LHFPL4: variants seen among roughly 807,000 people sequenced by gnomAD.
The protein encoded by LHFPL4 is LHFPL tetraspan subfamily member 4 protein.
LHFPL4 carries 6 observed loss-of-function variants against 20.0 expected under a neutral mutation model. The observed-to-expected ratio is 0.30, with a 90% CI of 0.16 to 0.59. The LOEUF (loss-of-function observed/expected upper bound fraction) is 0.59. Among genes scored for constraint, LHFPL4 ranks in the 20% least tolerant of loss-of-function variants. The pLI is 0.88. For missense variants in LHFPL4, 215 were observed against 331.2 expected (o/e 0.65, Z 2.72); for synonymous variants, 129 against 143.8 (o/e 0.90, Z 0.74).
chr3:9,523,246 G>T (rs530210030), intron 2 of LHFPL4, among the ~76,000 whole-genome samples: 1 of 146,440 alleles, frequency 6.8e-6, no homozygotes, highest in African/African-American at 2.5e-5. Flanking sequence ...GCCGGGCGTG[G>T]TGGGCATGGC....
In LHFPL4 at chr3:9,541,543, G is replaced by A. The variant is rs548530734; in HGVS notation, c.406+10731C>T. On this transcript the variant is annotated intron_variant, in intron 2 of 3. Transcript: ENST00000287585. ...TCCCAGCACTTTGGGAGGCCAAGGCGGGTGGATCACATGAGGTCAGGAGTT... is the reference window on the plus strand; with the variant it reads ...TCCCAGCACTTTGGGAGGCCAAGGCAGGTGGATCACATGAGGTCAGGAGTT... Among the ~76,000 whole-genome samples the A allele has an allele frequency of 3.3e-5, 5 of 152,022 alleles. 1 individual carries two copies. Among genetic ancestry groups the A allele is most frequent in the South Asian group, 4.1e-4 (2 of 4,826 alleles).
chr3:9,521,337 A>C (rs1395692254), intron 2 of LHFPL4, among the ~76,000 whole-genome samples: 1 of 144,636 alleles, frequency 6.9e-6, no homozygotes, highest in Non-Finnish European at 1.5e-5. Flanking sequence ...TGATCCTCCC[A>C]CTTCAGCCTC....
intron 2 of LHFPL4, among the ~76,000 whole-genome samples, chr3:9,551,587 T>C (rs911248133): frequency 8.5e-5 from 13 of 152,170 alleles, no homozygotes; most frequent in African/African-American, 1.4e-4. Flanking sequence ...CTCACTCCCA[T>C]TGGGCATGGC....
At chr3:9,531,795 A>T (rs2046410352) in intron 2 of LHFPL4, among the ~76,000 whole-genome samples, 1 of 139,868 alleles carries the variant, frequency 7.1e-6, no homozygotes, top group Admixed American at 7.2e-5. Flanking sequence ...GCGAGACTCC[A>T]TCTCAGAAAG....
chr3:9,513,248 C>T (rs1437227660), intron 2 of LHFPL4, among the ~76,000 whole-genome samples: 1 of 152,176 alleles, frequency 6.6e-6, no homozygotes, highest in Non-Finnish European at 1.5e-5. Flanking sequence ...GCGTGAGCCA[C>T]CGCGCCCGGC....
In LHFPL4 at chr3:9,500,435, G is replaced by A. The variant is rs1482077570; in HGVS notation, c.*1776C>T. Reference sequence around the variant, plus strand: ...AGGCTTTGCCCGGGAGGAGTAAGTGGAGGAGTGAAGTCGGGACTTGGTAAG... The same window carrying A: ...AGGCTTTGCCCGGGAGGAGTAAGTGAAGGAGTGAAGTCGGGACTTGGTAAG... On this transcript the variant is annotated 3_prime_UTR_variant, in exon 4 of 4. Coordinates refer to ENST00000287585, the MANE Select transcript of LHFPL4 (RefSeq NM_198560.3). 1 of 152,530 alleles carries A rather than the reference G, an allele frequency of 6.6e-6. No individual in the cohort carries two copies. Among genetic ancestry groups the A allele is most frequent in the Non-Finnish European group, 1.5e-5 (1 of 68,300 alleles). 9.4% of individuals were successfully genotyped at this position (152,530 alleles called of 1,614,324 possible). A position where few individuals can be genotyped will look rare whatever the true frequency, so the allele number is the denominator to read the frequency against.
intron 2 of LHFPL4, among the ~76,000 whole-genome samples, chr3:9,515,761 C>CGT (rs2046296230): frequency 6.6e-6 from 1 of 151,316 alleles, no homozygotes; most frequent in Non-Finnish European, 1.5e-5. Context: ...CCCTCTGTCA[C>CGT]CCAGGCTGGA....
intron 2 of LHFPL4, among the ~76,000 whole-genome samples, chr3:9,508,497 ACAGGC>A (rs1401685412): frequency 2.0e-5 from 3 of 152,214 alleles, no homozygotes; most frequent in Non-Finnish European, 2.9e-5. Flanking sequence ...GCAACTTTGA[ACAGGC>A]CAGAGCTCAG....
At chr3:9,511,552 G>A (rs75183629) in intron 2 of LHFPL4, among the ~76,000 whole-genome samples, 6,252 of 152,122 alleles carry the variant, frequency 0.041, 176 homozygotes, top group Non-Finnish European at 0.063. Context: ...GCATTTACTT[G>A]AAAAGTAAAC....
intron 2 of LHFPL4, among the ~76,000 whole-genome samples, chr3:9,542,218 G>A (rs149036988): frequency 1.1e-3 from 172 of 151,676 alleles, no homozygotes; most frequent in African/African-American, 4.2e-3. Flanking sequence ...CCCAGGTGGT[G>A]GAGCTTACAG....
chr3:9,526,102 G>T (rs938540456), intron 2 of LHFPL4, among the ~76,000 whole-genome samples: 1 of 152,146 alleles, frequency 6.6e-6, no homozygotes, highest in Non-Finnish European at 1.5e-5. Context: ...AAGACACTTT[G>T]CTAGGTATAT....
intron 2 of LHFPL4, among the ~76,000 whole-genome samples, chr3:9,512,360 G>A (rs1189206953): frequency 6.6e-6 from 1 of 152,216 alleles, no homozygotes; most frequent in African/African-American, 2.4e-5. Flanking sequence ...GCTGAGAAGT[G>A]GCGCGGCAGT....
At chr3:9,538,978 A>T (rs577965734) in intron 2 of LHFPL4, among the ~76,000 whole-genome samples, 1 of 152,086 alleles carries the variant, frequency 6.6e-6, no homozygotes, top group Admixed American at 6.6e-5. Context: ...GGGATTATAG[A>T]TGTGAGCCAC....
At chr3:9,540,475 G>A (rs1179657171) in intron 2 of LHFPL4, among the ~76,000 whole-genome samples, 1 of 152,166 alleles carries the variant, frequency 6.6e-6, no homozygotes, top group Non-Finnish European at 1.5e-5. Context: ...CAGAAGTGAT[G>A]GTGTGTGATG....
intron 2 of LHFPL4, among the ~76,000 whole-genome samples, chr3:9,535,008 A>G (rs1431679739): frequency 5.3e-5 from 8 of 152,130 alleles, no homozygotes; most frequent in Non-Finnish European, 1.0e-4. Flanking sequence ...AAGGAGGAGA[A>G]ATAATGAAGG....
At chr3:9,545,983 G>C (rs557094025) in intron 2 of LHFPL4, among the ~76,000 whole-genome samples, 1 of 152,212 alleles carries the variant, frequency 6.6e-6, no homozygotes, top group East Asian at 1.9e-4. Flanking sequence ...GGGAGTTCCT[G>C]GTTGAGGTTC....
chr3:9,545,416 G>A (rs1262339042), intron 2 of LHFPL4, among the ~76,000 whole-genome samples: 2 of 152,140 alleles, frequency 1.3e-5, no homozygotes, highest in Admixed American at 1.3e-4. Flanking sequence ...TGGTGGCTCA[G>A]GCCGGTAATT....
intron 2 of LHFPL4, among the ~76,000 whole-genome samples, chr3:9,517,842 C>A (rs1197319274): frequency 9.5e-6 from 1 of 105,064 alleles, no homozygotes; most frequent in East Asian, 2.4e-4. Flanking sequence ...CTGGGATTTT[C>A]TACATAGATG....
intron 2 of LHFPL4, among the ~76,000 whole-genome samples, chr3:9,507,603 A>T (rs922819429): frequency 6.6e-6 from 1 of 152,238 alleles, no homozygotes; most frequent in African/African-American, 2.4e-5. Context: ...GAGGAGGACA[A>T]AGGCAAAGAG....
Sources: allele counts gnomAD v4.1 joint callset (sites outside exome capture counted in the v4.1 genomes callset), GRCh38; gene constraint gnomAD v4.1.1; transcripts MANE v1.5; gene names NCBI Gene and HGNC (gene_info 2026-07-23, HGNC 2026-07-21).